CEMIP: variants seen among roughly 807,000 people sequenced by gnomAD.
CEMIP encodes the protein cell migration-inducing and hyaluronan-binding protein.
Under a neutral mutation model 156.9 loss-of-function variants are expected in CEMIP, and 105 were observed. The ratio of observed to expected loss-of-function variants is 0.67; its 90% confidence interval spans 0.57 to 0.79. CEMIP has a LOEUF of 0.79. CEMIP is among the 30% of genes least tolerant of loss of function. The pLI, the probability that CEMIP is intolerant of heterozygous loss-of-function variation, is 0.00. For missense variants in CEMIP, 1,457 were observed against 1,769.4 expected, an observed-to-expected ratio of 0.82 and a Z score of 3.17; for synonymous variants, 676 against 668.4, an observed-to-expected ratio of 1.01 and a Z score of -0.17.
chr15:80,847,730 C>T (rs1318216464), intron 1 of CEMIP, among the ~76,000 whole-genome samples: 1 of 152,224 alleles, frequency 6.6e-6, no homozygotes, highest in Non-Finnish European at 1.5e-5. Flanking sequence ...ATGCTGGGAC[C>T]ATCTTCTTTC....
At chr15:80,870,907 G>A (rs1596146517) in intron 1 of CEMIP, among the ~76,000 whole-genome samples, 1 of 152,146 alleles carries the variant, frequency 6.6e-6, no homozygotes, top group African/African-American at 2.4e-5. Context: ...CTCATGGCTC[G>A]ATCTCTGAGC....
chr15:80,823,033 G>A (rs1220917017), intron 1 of CEMIP, among the ~76,000 whole-genome samples: 1 of 152,112 alleles, frequency 6.6e-6, no homozygotes, highest in Admixed American at 6.5e-5. Context: ...GAATGTTTCT[G>A]GGCATCCGCT....
intron 29 of CEMIP, chr15:80,948,384 G>C (rs893317892): frequency 6.3e-6 from 2 of 318,944 alleles, no homozygotes; most frequent in Non-Finnish European, 6.2e-6. Flanking sequence ...AGTGGGGAAG[G>C]AGATCTTGTA....
In CEMIP at chr15:80,925,688, A is replaced by G. The variant is rs764279525; in HGVS notation, c.2353A>G (p.Ile785Val). 50 of 1,613,724 alleles carry G rather than the reference A, an allele frequency of 3.1e-5. No homozygotes were observed. Among genetic ancestry groups the G allele is most frequent in the Non-Finnish European group, 3.7e-5 (44 of 1,179,998 alleles). Reference protein sequence around the residue: ...PREPAIIRHFIAYKNQDHGAW... With the variant: ...PREPAIIRHFVAYKNQDHGAW... ...GGAGCCGGCCATCATCAGACACTTC[A>G]TTGCCTACAAGAACCAGGACCACGG... Residue 785 changes from isoleucine (I) to valine (V), a missense_variant, in exon 19 of 30, where the codon ATT (isoleucine) becomes GTT (valine). Ile to Val is a conservative substitution (Grantham distance 29). Transcript: ENST00000394685.
intron 1 of CEMIP, among the ~76,000 whole-genome samples, chr15:80,839,025 G>A (rs76155304): frequency 0.023 from 3,479 of 152,244 alleles, 128 homozygotes; most frequent in African/African-American, 0.074. Flanking sequence ...ACCCGCAGGC[G>A]TCTTGGTTGG....
At position 80,948,749 on chromosome 15, in the gene CEMIP, C is replaced by T. The variant is rs201839117; in HGVS notation, c.3959-48C>T. 2,762 of 1,613,148 alleles carry T rather than the reference C, an allele frequency of 1.7e-3. 15 individuals carry two copies. Among genetic ancestry groups the T allele is most frequent in the South Asian group, 8.8e-3 (802 of 91,078 alleles). Reference sequence around the variant, plus strand: ...GAGCCATGGAACGGGGTGGGGCAGCCGTCCTCTCATAGGGCTTTTGCTCAG... The same window carrying T: ...GAGCCATGGAACGGGGTGGGGCAGCTGTCCTCTCATAGGGCTTTTGCTCAG... On this transcript the variant is annotated intron_variant, in intron 29 of 29. Coordinates refer to ENST00000394685, the MANE Select transcript of CEMIP (RefSeq NM_001293298.2).
At chr15:80,858,291 C>T (rs1897900383) in intron 1 of CEMIP, among the ~76,000 whole-genome samples, 2 of 152,080 alleles carry the variant, frequency 1.3e-5, no homozygotes, top group Non-Finnish European at 2.9e-5. Flanking sequence ...ATGTGGGTCA[C>T]ATTTTCTAGG....
At chr15:80,785,551 G>A (rs1221286272) in intron 1 of CEMIP, among the ~76,000 whole-genome samples, 3 of 152,166 alleles carry the variant, frequency 2.0e-5, no homozygotes, top group African/African-American at 2.4e-5. Context: ...TCCTGCTCTC[G>A]AAGAGCTGGC....
chr15:80,816,528 G>C lies in CEMIP; in HGVS notation c.-176+36914G>C, dbSNP rs1432494316. 2.6e-5 allele frequency among the ~76,000 whole-genome samples: 4 copies of C among 152,090 alleles called. No homozygotes were observed. The East Asian group carries it at 5.8e-4, about 22-fold the overall frequency. On this transcript the variant is annotated intron_variant, in intron 1 of 29. Coordinates refer to ENST00000394685, the MANE Select transcript of CEMIP (RefSeq NM_001293298.2). The stretch of plus-strand genomic sequence containing the variant: ...CGCCCACAAATAAGCCACACCTCCT[G>C]GCCCAGGTCAAGCTACTTGTCCTCT...
In CEMIP at chr15:80,873,941, C is replaced by T. The variant is rs1326843362; in HGVS notation, c.62C>T (p.Thr21Ile). The T allele has an allele frequency of 6.4e-7, 1 of 1,573,954 alleles. No homozygotes were observed. The highest frequency in any genetic ancestry group is 2.3e-5 in the East Asian group (1 of 43,714). The change falls in exon 3 of 30, where the codon ACT (threonine) becomes ATT (isoleucine). Residue 21 changes from threonine (T) to isoleucine (I), a missense_variant. Transcript: ENST00000394685. ...FKAMLTISWL[T>I]LTCFPGATST... The stretch of plus-strand genomic sequence containing the variant: ...GCCATGCTGACCATCAGCTGGCTCA[C>T]TCTGACCTGCTTCCCTGGGGCCACA...
chr15:80,833,843 T>C (rs1897211824), intron 1 of CEMIP, among the ~76,000 whole-genome samples: 1 of 152,008 alleles, frequency 6.6e-6, no homozygotes, highest in African/African-American at 2.4e-5. Context: ...TAATTTTTTG[T>C]ATTTTTAGTA....
At chr15:80,787,098 C>T (rs1311787318) in intron 1 of CEMIP, among the ~76,000 whole-genome samples, 11 of 152,196 alleles carry the variant, frequency 7.2e-5, no homozygotes, top group Admixed American at 6.5e-4. Flanking sequence ...TTCTGTCTGC[C>T]TCCTACAAAG....
chr15:80,785,148 A>G (rs889903544), intron 1 of CEMIP, among the ~76,000 whole-genome samples: 1 of 152,224 alleles, frequency 6.6e-6, no homozygotes, highest in Non-Finnish European at 1.5e-5. Context: ...ATGGCAATTT[A>G]TCTTTGCCTG....
chr15:80,920,383 C>T, intron 15 of CEMIP, 84 bp downstream of exon 15: 1 of 1,275,786 alleles, frequency 7.8e-7, no homozygotes. Context: ...AGCCCAGCAC[C>T]AGACTTCTGC....
At chr15:80,896,431 T>C in intron 12 of CEMIP, 1 of 469,658 alleles carries the variant, frequency 2.1e-6, no homozygotes, top group Admixed American at 2.4e-5. Context: ...ACACATTCCA[T>C]TGGCTAAAGT....
At chr15:80,935,398 G>A (rs917395311) in intron 23 of CEMIP, among the ~76,000 whole-genome samples, 1 of 151,516 alleles carries the variant, frequency 6.6e-6, no homozygotes, top group Non-Finnish European at 1.5e-5. Context: ...CTTATCTTCT[G>A]TGAAAAAAAA....
chr15:80,800,389 A>G (rs1022530763), intron 1 of CEMIP, among the ~76,000 whole-genome samples: 2 of 152,208 alleles, frequency 1.3e-5, no homozygotes, highest in African/African-American at 4.8e-5. Flanking sequence ...GATCTGACAG[A>G]GTCAATGACT....
intron 25 of CEMIP, chr15:80,938,275 C>T: frequency 2.6e-6 from 1 of 380,194 alleles, no homozygotes. Flanking sequence ...AAACATGGTA[C>T]ATTATCTCAA....
chr15:80,803,944 T>A (rs780842953), intron 1 of CEMIP, among the ~76,000 whole-genome samples: 3 of 152,140 alleles, frequency 2.0e-5, no homozygotes, highest in African/African-American at 4.8e-5. Context: ...AGAAAAGAGA[T>A]TTAATGGACT....
Sources: allele counts gnomAD v4.1 joint callset (sites outside exome capture counted in the v4.1 genomes callset), GRCh38; gene constraint gnomAD v4.1.1; transcripts MANE v1.5; gene names NCBI Gene and HGNC (gene_info 2026-07-23, HGNC 2026-07-21).